Variants in USP39 observed in about 807,000 individuals in gnomAD.
USP39 encodes ubiquitin carboxyl-terminal hydrolase 39.
Under a neutral mutation model 66.4 loss-of-function variants are expected in USP39, and 38 were observed. The observed-to-expected ratio is 0.57, with a 90% CI of 0.44 to 0.75. The LOEUF (loss-of-function observed/expected upper bound fraction) is 0.75, where lower values mean the gene tolerates loss of function less well. USP39 is among the 30% of genes least tolerant of loss of function. The pLI is 0.00. For synonymous variants in USP39, 303 were observed against 274.6 expected, an observed-to-expected ratio of 1.10 and a Z score of -1.02; for missense variants, 608 against 714.4, an observed-to-expected ratio of 0.85 and a Z score of 1.70.
At chr2:85,628,775 A>G (rs962672779) in intron 5 of USP39, among the ~76,000 whole-genome samples, 2 of 152,130 alleles carry the variant, frequency 1.3e-5, no homozygotes, top group Non-Finnish European at 2.9e-5. Flanking sequence ...CTCTCTTTTT[A>G]GTAATTATTC....
intron 10 of USP39, among the ~76,000 whole-genome samples, chr2:85,642,720 A>T (rs1676331120): frequency 6.6e-6 from 1 of 152,174 alleles, no homozygotes; most frequent in South Asian, 2.1e-4. Flanking sequence ...GGATCATTTC[A>T]TTGTCCATAC....
At chr2:85,609,213 T>C (rs1673346454), upstream of USP39, 3 of 1,302,834 alleles carry the variant, frequency 2.3e-6, no homozygotes, top group Non-Finnish European at 3.1e-6. Context: ...CCTGTAATAG[T>C]GATTCTCCAC....
At chr2:85,616,000 C>T, upstream of USP39, 1 of 1,179,614 alleles carries the variant, frequency 8.5e-7, no homozygotes, top group Non-Finnish European at 1.1e-6. Context: ...CGACAGTAGG[C>T]CCACAGAAGG....
In USP39 at chr2:85,645,017, C is replaced by T. The variant is rs376446289; in HGVS notation, c.1497C>T (p.Leu499=). 4.3e-6 allele frequency: 7 copies of T among 1,614,084 alleles called. No individual in the cohort carries two copies. The African/African-American group carries it at 5.3e-5, about 12-fold the overall frequency. ...QAVHKNTTYD[L]IANIVHDGKP... is the part of the protein sequence containing the mutation. ...TACACAAGAATACCACCTATGACCT[C>T]ATTGCCAACATCGTGCATGACGGCA... The change falls in exon 11 of 13, where the codon CTC becomes CTT. Residue 499 remains leucine, a synonymous_variant. Coordinates refer to ENST00000323701, the MANE Select transcript of USP39 (RefSeq NM_006590.4).
chr2:85,639,547 C>T lies in USP39; in HGVS notation c.1284+156C>T, dbSNP rs547291139. ...TCGGCTGACTGCAATCTCTACCTCCCAGTTTCAAGCGATTCTCCTGCCTCA... is the reference window on the plus strand; with the variant it reads ...TCGGCTGACTGCAATCTCTACCTCCTAGTTTCAAGCGATTCTCCTGCCTCA... On this transcript the variant is annotated intron_variant, in intron 9 of 12. Coordinates refer to ENST00000323701, the MANE Select transcript of USP39 (RefSeq NM_006590.4). The T allele has an allele frequency of 4.5e-6, 3 of 669,862 alleles. No homozygotes were observed. The African/African-American group carries it at 5.6e-5, about 12-fold the overall frequency. 41.5% of individuals were successfully genotyped at this position (669,862 alleles called of 1,614,324 possible).
Position 85,648,816 on chromosome 2 carries a change from G to A in USP39, c.*8G>A, listed in dbSNP as rs775299311. On this transcript the variant is annotated 3_prime_UTR_variant, in exon 13 of 13. Transcript: ENST00000323701. ...AACCAGCAGGGGGCTTGAAGGAGGC[G>A]TCTAGGGCTTTGCTCCCAAGGGCTG... The A allele has an allele frequency of 2.4e-5, 39 of 1,613,946 alleles. No individual in the cohort carries two copies. The highest frequency in any genetic ancestry group is 2.6e-5 in the Non-Finnish European group (31 of 1,179,988).
chr2:85,641,683 C>T (rs958920797), intron 10 of USP39, among the ~76,000 whole-genome samples: 3 of 152,072 alleles, frequency 2.0e-5, no homozygotes, highest in Admixed American at 1.3e-4. Context: ...AGCTGGATCG[C>T]TTGAGCTCAG....
intron 1 of USP39, among the ~76,000 whole-genome samples, chr2:85,617,755 T>G (rs1674107192): frequency 6.6e-6 from 1 of 152,194 alleles, no homozygotes; most frequent in African/African-American, 2.4e-5. Context: ...GGAATTCACT[T>G]GGAAAACTGA....
chr2:85,623,556 T>C, intron 3 of USP39, 90 bp from the exon 4 acceptor site: 1 of 1,472,066 alleles, frequency 6.8e-7, no homozygotes, highest in South Asian at 1.4e-5. Flanking sequence ...ATTAACATGT[T>C]CCGGTAGAAA....
upstream of USP39, among the ~76,000 whole-genome samples, chr2:85,613,513 CA>C (rs1558842919): frequency 6.6e-6 from 1 of 151,998 alleles, no homozygotes; most frequent in Non-Finnish European, 1.5e-5. Flanking sequence ...AAAACAAAAA[CA>C]AAAAACAGGG....
At chr2:85,626,616 A>G (rs1359701002) in intron 5 of USP39, among the ~76,000 whole-genome samples, 3 of 152,330 alleles carry the variant, frequency 2.0e-5, no homozygotes, top group Admixed American at 2.0e-4. Context: ...TTTTTAAAAA[A>G]ATGGTGTAGA....
intron 2 of USP39, 116 bp downstream of exon 2, chr2:85,619,405 A>G: frequency 2.9e-6 from 3 of 1,031,396 alleles, no homozygotes; most frequent in East Asian, 2.7e-5. Flanking sequence ...GAACCTGTCT[A>G]GAGAGTTGTG....
rs1197426933 is a variant in USP39 at position 85,636,107 on chromosome 2, G to A, written c.1004G>A (p.Gly335Glu). ...WFLNALHSAL[G>E]GTKKKKKTIV... ...CTGAATGCTCTGCACTCAGCTCTGG[G>A]GGGCACAAAGAAGAAAAAGAAGAGT... The change falls in exon 7 of 13, where the codon GGG becomes GAG. Residue 335 changes from glycine (G) to glutamate (E), a missense_variant. Transcript: ENST00000323701. 1 of 1,613,944 alleles carries A rather than the reference G, an allele frequency of 6.2e-7. No homozygotes were observed. Among genetic ancestry groups the A allele is most frequent in the Admixed American group, 1.7e-5 (1 of 59,950 alleles).
chr2:85,604,940 T>G (rs1312436167), intron 1 of USP39, among the ~76,000 whole-genome samples: 1 of 152,222 alleles, frequency 6.6e-6, no homozygotes, highest in African/African-American at 2.4e-5. Flanking sequence ...TATGACAATC[T>G]AATAGTTCCT....
chr2:85,625,188 C>G (rs1187940608), intron 4 of USP39, among the ~76,000 whole-genome samples: 3 of 152,112 alleles, frequency 2.0e-5, no homozygotes, highest in Admixed American at 6.6e-5. Flanking sequence ...AAAGCTAGGT[C>G]CATGTGCTGC....
upstream of USP39, chr2:85,610,599 T>C (rs1470678391): frequency 6.6e-6 from 1 of 152,068 alleles, no homozygotes; most frequent in Non-Finnish European, 1.5e-5. Flanking sequence ...CTCAATGAAT[T>C]AATATACGTA....
intron 2 of USP39, among the ~76,000 whole-genome samples, chr2:85,619,533 G>A (rs893634619): frequency 1.3e-5 from 2 of 150,102 alleles, no homozygotes; most frequent in Non-Finnish European, 3.0e-5. Flanking sequence ...TAAAATAACA[G>A]TAGCACATTG....
rs1214164236 is a variant in USP39 at position 85,630,734 on chromosome 2, T to C, written c.737T>C (p.Val246Ala). 1 of 1,614,210 alleles carries C rather than the reference T, an allele frequency of 6.2e-7. No homozygotes were observed. The highest frequency in any genetic ancestry group is 8.5e-7 in the Non-Finnish European group (1 of 1,180,030). ...ANAVLQALSN[V>A]PPLRNYFLEE... is the part of the protein sequence containing the mutation. ...TTTGATTTTTAGGCTCTATCTAATG[T>C]TCCTCCTCTCCGGAACTACTTTCTG... The change falls in exon 6 of 13, where the codon GTT becomes GCT. Residue 246 changes from valine to alanine, a missense_variant. Physicochemically the swap from Val to Ala is moderately conservative, Grantham distance 64 (BLOSUM62 0). Around this residue, in one of 6 missense-constraint regions of USP39, gnomAD observed 115 missense variants for 198.6 expected, o/e 0.58. Coordinates refer to ENST00000323701, the MANE Select transcript of USP39 (RefSeq NM_006590.4).
At chr2:85,619,738 T>C (rs546658625) in intron 2 of USP39, among the ~76,000 whole-genome samples, 2 of 152,068 alleles carry the variant, frequency 1.3e-5, no homozygotes, top group Non-Finnish European at 2.9e-5. Flanking sequence ...ATAATATAAT[T>C]ACTCTTGTAA....
Sources: allele counts gnomAD v4.1 joint callset (sites outside exome capture counted in the v4.1 genomes callset), GRCh38; gene constraint gnomAD v4.1.1; regional missense constraint gnomAD v4.1.1; transcripts MANE v1.5; gene names NCBI Gene and HGNC (gene_info 2026-07-23, HGNC 2026-07-21).